Variants in PLB1 observed in about 807,000 individuals in gnomAD.
PLB1 encodes phospholipase B1, membrane-associated.
Under a neutral mutation model 227.4 loss-of-function variants are expected in PLB1, and 242 were observed. That is an observed-to-expected ratio of 1.06 (90% confidence interval 0.96 to 1.18). The LOEUF is 1.18. Among genes scored for constraint, PLB1 ranks in the 50% most tolerant of loss-of-function variants. The pLI is 0.00. For synonymous variants in PLB1, 757 were observed against 682.2 expected, an observed-to-expected ratio of 1.11 and a Z score of -1.71; for missense variants, 1,858 against 1,816.3, an observed-to-expected ratio of 1.02 and a Z score of -0.42.
At chr2:28,526,004 G>A in intron 6 of PLB1, 59 bp downstream of exon 6, 1 of 1,587,530 alleles carries the variant, frequency 6.3e-7, no homozygotes, top group Non-Finnish European at 8.6e-7. Context: ...CAACACAGCA[G>A]CATCCTCTCT....
chr2:28,559,185 G>A (rs11900715), intron 17 of PLB1, among the ~76,000 whole-genome samples: 4,925 of 152,242 alleles, frequency 0.032, 282 homozygotes, highest in African/African-American at 0.11. Flanking sequence ...TTTGATAATC[G>A]AGTGTCTCTA....
chr2:28,624,971 C>T (rs1687539804), intron 49 of PLB1, 86 bp from the exon 50 acceptor site: 5 of 1,241,454 alleles, frequency 4.0e-6, no homozygotes, highest in African/African-American at 3.0e-5. Context: ...CTTCTTGAAA[C>T]ACCTCTCTTC....
At chr2:28,543,330 A>G (rs1051232281) in intron 14 of PLB1, 62 bp downstream of exon 14, 3 of 1,551,736 alleles carry the variant, frequency 1.9e-6, no homozygotes, top group Admixed American at 1.9e-5. Flanking sequence ...ACCACCACTG[A>G]GCCCACCGTG....
At chr2:28,510,284 A>G (rs148487823) in intron 1 of PLB1, among the ~76,000 whole-genome samples, 131 of 152,288 alleles carry the variant, frequency 8.6e-4, no homozygotes, top group African/African-American at 3.0e-3. Context: ...GGAGAAGTTG[A>G]TCAGACTAAG....
chr2:28,621,720 G>C (rs1687078893), intron 49 of PLB1, among the ~76,000 whole-genome samples: 1 of 152,158 alleles, frequency 6.6e-6, no homozygotes, highest in Non-Finnish European at 1.5e-5. Flanking sequence ...GTGGTAACGT[G>C]GGCCCCATGC....
intron 21 of PLB1, among the ~76,000 whole-genome samples, chr2:28,574,321 A>C (rs1678517941): frequency 8.7e-6 from 1 of 114,528 alleles, no homozygotes; most frequent in Admixed American, 9.4e-5. Flanking sequence ...CTCAATATGT[A>C]ATCTTTAATC....
intron 44 of PLB1, among the ~76,000 whole-genome samples, chr2:28,617,488 G>T (rs371844976): frequency 1.3e-5 from 2 of 152,300 alleles, no homozygotes; most frequent in East Asian, 3.9e-4. Context: ...GTGTGTGGGT[G>T]CACATGTGGA....
chr2:28,604,926 C>T lies in PLB1; in HGVS notation c.2961+167C>T, dbSNP rs139955395. Reference sequence around the variant, plus strand: ...AACGCCTGAGCCACATCCGTATGTGCGAGGCTCCCATGACCCCTGTAACAG... The same window carrying T: ...AACGCCTGAGCCACATCCGTATGTGTGAGGCTCCCATGACCCCTGTAACAG... On this transcript the variant is annotated intron_variant, in intron 41 of 57. Coordinates refer to ENST00000327757, the MANE Select transcript of PLB1 (RefSeq NM_153021.5). Among the ~76,000 whole-genome samples the T allele has an allele frequency of 5.6e-4, 85 of 152,322 alleles. 1 individual carries two copies. The East Asian group carries it at 0.014, about 25-fold the overall frequency.
At chr2:28,578,347 T>C (rs1679347174) in intron 22 of PLB1, among the ~76,000 whole-genome samples, 189 bp downstream of exon 22, 1 of 152,180 alleles carries the variant, frequency 6.6e-6, no homozygotes, top group Admixed American at 6.5e-5. Context: ...AAACATCTAC[T>C]GTGAGTCAGG....
chr2:28,632,107 T>A lies in PLB1; in HGVS notation c.3969T>A (p.Pro1323=), dbSNP rs1307136742. 18 of 1,613,982 alleles carry A rather than the reference T, an allele frequency of 1.1e-5. No homozygotes were observed. The highest frequency in any genetic ancestry group is 1.5e-5 in the Non-Finnish European group (18 of 1,179,962). ...QREDFAVVVQ[P]FFQNTLTPLN... ...AGGACTTTGCGGTTGTGGTGCAGCCTTTCTTCCAAAACACACTCACCCCAC... is the reference window on the plus strand; with the variant it reads ...AGGACTTTGCGGTTGTGGTGCAGCCATTCTTCCAAAACACACTCACCCCAC... The change falls in exon 55 of 58, where the codon CCT becomes CCA. Residue 1323 remains proline (P), a synonymous_variant. Transcript: ENST00000327757.
intron 4 of PLB1, among the ~76,000 whole-genome samples, chr2:28,520,834 GC>G (rs1449393666): frequency 6.6e-6 from 1 of 152,082 alleles, no homozygotes; most frequent in African/African-American, 2.4e-5. Flanking sequence ...AATTAGCCGG[GC>G]ATGGTCGTGG....
At chr2:28,577,250 T>G (rs1342118131) in intron 21 of PLB1, among the ~76,000 whole-genome samples, 1 of 152,246 alleles carries the variant, frequency 6.6e-6, no homozygotes, top group East Asian at 1.9e-4. Context: ...TCCCATCTAC[T>G]GGTCCCAGTG....
chr2:28,633,070 C>T (rs754548664), intron 56 of PLB1, 31 bp downstream of exon 56: 1 of 1,563,412 alleles, frequency 6.4e-7, no homozygotes, highest in South Asian at 1.1e-5. Flanking sequence ...TGGGCCTTGT[C>T]AAGGGGGGAT....
rs199949824 is a variant in PLB1, at chr2:28,583,197, T to TC, written c.1733+692_1733+693insC. 4.8e-3 allele frequency among the ~76,000 whole-genome samples: 726 copies of TC among 152,048 alleles called. 4 individuals are homozygous for TC. Among genetic ancestry groups the TC allele is most frequent in the African/African-American group, 0.017 (684 of 41,396 alleles). On this transcript the variant is annotated intron_variant, in intron 25 of 57. Transcript: ENST00000327757. The stretch of plus-strand genomic sequence containing the variant: ...TGCTCCAAAATCCAAAACTTTTTTT[T>TC]TTTTTTGAGACAGGGTCTCGCTCTG...
At chr2:28,581,491 AAAT>A (rs1161118066) in intron 23 of PLB1, among the ~76,000 whole-genome samples, 130 of 7,210 alleles carry the variant, frequency 0.018, 4 homozygotes, top group African/African-American at 0.04. Flanking sequence ...GCAAAAAAAT[AAAT>A]AAATAAATAA....
chr2:28,527,749 C>T (rs1217212457), intron 6 of PLB1, among the ~76,000 whole-genome samples: 2 of 152,224 alleles, frequency 1.3e-5, no homozygotes, highest in Non-Finnish European at 2.9e-5. Flanking sequence ...ACCAAGTACA[C>T]AGCAGACTTA....
chr2:28,586,401 T>C (rs943312147), intron 26 of PLB1, among the ~76,000 whole-genome samples: 5 of 152,250 alleles, frequency 3.3e-5, no homozygotes, highest in African/African-American at 1.2e-4. Flanking sequence ...TTGTTCATTT[T>C]AGTCCTTTCT....
chr2:28,534,551 G>T (rs1671425865), intron 9 of PLB1, among the ~76,000 whole-genome samples: 1 of 152,160 alleles, frequency 6.6e-6, no homozygotes, highest in Non-Finnish European at 1.5e-5. Context: ...CACACTGTGG[G>T]TCAAGATAAA....
chr2:28,632,604 T>C (rs1039932325), intron 55 of PLB1, among the ~76,000 whole-genome samples: 1 of 151,926 alleles, frequency 6.6e-6, no homozygotes. Flanking sequence ...CTGGCCAACA[T>C]GGTGAAACCC....
Sources: allele counts gnomAD v4.1 joint callset (sites outside exome capture counted in the v4.1 genomes callset), GRCh38; gene constraint gnomAD v4.1.1; transcripts MANE v1.5; gene names NCBI Gene and HGNC (gene_info 2026-07-23, HGNC 2026-07-21).